Variants in ZHX3 observed in about 807,000 individuals in gnomAD.
ZHX3 encodes the protein zinc fingers and homeoboxes 3.
ZHX3 carries 20 observed loss-of-function variants against 64.5 expected under a neutral mutation model. The observed-to-expected ratio is 0.31, with a 90% CI of 0.22 to 0.45. The LOEUF is 0.45. Ranked by LOEUF, ZHX3 falls within the 20% of genes least tolerant of loss-of-function variation. The pLI is 1.00. For missense variants in ZHX3, 1,041 were observed against 1,195.8 expected (o/e 0.87, Z 1.91); for synonymous variants, 423 against 461.6 (o/e 0.92, Z 1.07).
At chr20:41,287,424 G>A (rs1006969593) in intron 1 of ZHX3, among the ~76,000 whole-genome samples, 5 of 152,096 alleles carry the variant, frequency 3.3e-5, no homozygotes, top group African/African-American at 1.2e-4. Context: ...AATGATCTCT[G>A]CGTCCTGGTA....
intron 2 of ZHX3, among the ~76,000 whole-genome samples, chr20:41,249,474 G>A (rs929914383): frequency 4.6e-5 from 7 of 152,186 alleles, no homozygotes; most frequent in East Asian, 1.9e-4. Context: ...AAGCAGACAC[G>A]AAGAACTGAC....
Position 41,195,109 on chromosome 20 carries a change from T to C in ZHX3, c.2860+6948A>G, listed in dbSNP as rs1391505333. On this transcript the variant is annotated intron_variant, in intron 3 of 3. Transcript: ENST00000683867. This position sits in a 1 kb window ranked among gnomAD's most constrained non-coding sequence, Gnocchi z 4.2. ...TTAAAGTGTACATTTAGTTTACTGA[T>C]TTGAGATCTTAAAAAAAGTTTTTTT... Among the ~76,000 whole-genome samples the C allele has an allele frequency of 2.0e-5, 3 of 152,204 alleles. No individual in the cohort carries two copies. Among genetic ancestry groups the C allele is most frequent in the South Asian group, 4.1e-4 (2 of 4,830 alleles).
intron 2 of ZHX3, among the ~76,000 whole-genome samples, chr20:41,267,065 T>G (rs965251843): frequency 6.6e-6 from 1 of 151,870 alleles, no homozygotes; most frequent in African/African-American, 2.4e-5. Context: ...CAGGCTGGTC[T>G]TGAACTCCTG....
chr20:41,197,296 A>C (rs996164951), intron 3 of ZHX3: 3 of 145,954 alleles, frequency 2.1e-5, no homozygotes, highest in African/African-American at 7.4e-5. Flanking sequence ...TATATATTTT[A>C]TATATAATTG....
chr20:41,315,379 G>A (rs2045259754), intron 1 of ZHX3, among the ~76,000 whole-genome samples: 1 of 125,992 alleles, frequency 7.9e-6, no homozygotes, highest in Non-Finnish European at 1.6e-5. Context: ...TTTTTTAGTA[G>A]AGACGGGGTG....
chr20:41,233,493 T>C (rs2040763500), intron 2 of ZHX3, among the ~76,000 whole-genome samples: 1 of 152,240 alleles, frequency 6.6e-6, no homozygotes, highest in African/African-American at 2.4e-5. Context: ...TGTTGCCAGA[T>C]GGGAACTTCA....
intron 2 of ZHX3, among the ~76,000 whole-genome samples, chr20:41,264,559 CAA>C (rs1459734000): frequency 0.025 from 2,136 of 83,864 alleles, 45 homozygotes; most frequent in African/African-American, 0.079. Context: ...AACTCCATCT[CAA>C]AAAAAAAAAA....
intron 1 of ZHX3, chr20:41,299,853 A>G (rs1193853728): frequency 6.8e-6 from 1 of 147,702 alleles, no homozygotes; most frequent in Non-Finnish European, 1.5e-5. Context: ...ACAGAAGGAG[A>G]AGAAGGAGAC....
intron 1 of ZHX3, among the ~76,000 whole-genome samples, chr20:41,279,385 T>A (rs1230998059): frequency 6.6e-6 from 1 of 152,118 alleles, no homozygotes; most frequent in Non-Finnish European, 1.5e-5. Flanking sequence ...ATTTGATACA[T>A]GAAAAACAGT....
At chr20:41,282,737 T>C (rs1177968785) in intron 1 of ZHX3, among the ~76,000 whole-genome samples, 1 of 152,200 alleles carries the variant, frequency 6.6e-6, no homozygotes, top group Non-Finnish European at 1.5e-5. Flanking sequence ...CCAGGTACGT[T>C]GCATGAAATT....
At position 41,212,290 on chromosome 20, in the gene ZHX3, A is replaced by T. The variant is rs1271993250; in HGVS notation, c.-150-7224T>A. Among the ~76,000 whole-genome samples the T allele has an allele frequency of 6.6e-6, 1 of 152,218 alleles. No homozygotes were observed. The highest frequency in any genetic ancestry group is 1.5e-5 in the Non-Finnish European group (1 of 68,034). On this transcript the variant is annotated intron_variant, in intron 2 of 3. Coordinates refer to ENST00000683867, the MANE Select transcript of ZHX3 (RefSeq NM_001384317.1). This position sits in a 1 kb window ranked among gnomAD's most constrained non-coding sequence, Gnocchi z 4.3. The stretch of plus-strand genomic sequence containing the variant: ...TAAAGCACATAAAAAACTGCTCAAC[A>T]TCATTAGTTATTAGGAAAACACAAA...
At chr20:41,245,073 G>A (rs1173128745) in intron 2 of ZHX3, among the ~76,000 whole-genome samples, 2 of 152,346 alleles carry the variant, frequency 1.3e-5, no homozygotes, top group East Asian at 1.9e-4. Context: ...GGGGATGGGG[G>A]TTGAGGAAAG....
rs1274969700 is a variant in ZHX3, at chr20:41,317,634, G to A, written c.-370C>T. 2.7e-5 allele frequency: 4 copies of A among 149,980 alleles called. No individual in the cohort carries two copies. The highest frequency in any genetic ancestry group is 6.0e-5 in the Non-Finnish European group (4 of 67,156). The allele number at this position is 149,980 out of a possible 1,614,324, so 9.3% of individuals were successfully genotyped here. A position where few individuals can be genotyped will look rare whatever the true frequency, so the allele number is the denominator to read the frequency against. On this transcript the variant is annotated 5_prime_UTR_variant, in exon 1 of 4. Transcript: ENST00000683867. ...AGAGGCGGCGGCGGCGGCGACGCCGGAGCCGCGGACTGCTGAGCGGCGGGG... is the reference window on the plus strand; with the variant it reads ...AGAGGCGGCGGCGGCGGCGACGCCGAAGCCGCGGACTGCTGAGCGGCGGGG...
At chr20:41,260,298 T>C (rs915477812) in intron 2 of ZHX3, among the ~76,000 whole-genome samples, 4 of 152,138 alleles carry the variant, frequency 2.6e-5, no homozygotes, top group Admixed American at 6.6e-5. Flanking sequence ...CATAGGAAGT[T>C]AAATATGTTA....
intron 2 of ZHX3, among the ~76,000 whole-genome samples, chr20:41,207,227 A>C (rs1447623785): frequency 1.3e-5 from 2 of 152,160 alleles, no homozygotes; most frequent in Non-Finnish European, 2.9e-5. Context: ...TCAATGCTAG[A>C]AAGAAACTGC....
chr20:41,196,172 C>T (rs962319956), intron 3 of ZHX3, among the ~76,000 whole-genome samples: 63 of 147,518 alleles, frequency 4.3e-4, no homozygotes, highest in African/African-American at 1.5e-3. Context: ...TATCCATTAT[C>T]GGACATGGAA....
chr20:41,296,001 T>C (rs940553281), intron 1 of ZHX3, among the ~76,000 whole-genome samples: 1 of 152,130 alleles, frequency 6.6e-6, no homozygotes, highest in Non-Finnish European at 1.5e-5. Context: ...CTATTTAAGT[T>C]CATAAACAAC....
rs544654562 is a variant in ZHX3 at position 41,215,279 on chromosome 20, A to C, written c.-150-10213T>G. Among the ~76,000 whole-genome samples the C allele has an allele frequency of 3.7e-3, 567 of 152,220 alleles. 4 individuals are homozygous for C. The highest frequency in any genetic ancestry group is 0.016 in the South Asian group (79 of 4,818). Reference sequence around the variant, plus strand: ...CTCAAAAAATAAATAAATACAAATAAAAATAAAAATAAATAAATGGAAAAA... The same window carrying C: ...CTCAAAAAATAAATAAATACAAATACAAATAAAAATAAATAAATGGAAAAA... On this transcript the variant is annotated intron_variant, in intron 2 of 3. Transcript: ENST00000683867.
chr20:41,202,142 C>T lies in ZHX3; in HGVS notation c.2775G>A (p.Glu925=), dbSNP rs1318513723. ...GMGDTYSEVS[E]NSESWEPRVP... ...CACGGGGCTCCCACGACTCACTGTT[C>T]TCAGACACCTCTGAATAGGTGTCAC... The change falls in exon 3 of 4, where the codon GAG becomes GAA. Residue 925 remains glutamate, a synonymous_variant. Transcript: ENST00000683867. This position sits in a 1 kb window ranked among gnomAD's most constrained non-coding sequence, Gnocchi z 7.0. 1.2e-6 allele frequency: 2 copies of T among 1,614,178 alleles called. No homozygotes were observed. The highest frequency in any genetic ancestry group is 2.2e-5 in the South Asian group (2 of 91,082).
Sources: allele counts gnomAD v4.1 joint callset (sites outside exome capture counted in the v4.1 genomes callset), GRCh38; gene constraint gnomAD v4.1.1; non-coding constraint Gnocchi (gnomAD v3.1); transcripts MANE v1.5; gene names NCBI Gene and HGNC (gene_info 2026-07-23, HGNC 2026-07-21).